Variants in CTNNA2 observed in about 807,000 individuals in gnomAD.
CTNNA2 encodes catenin alpha-2.
CTNNA2 carries 42 observed loss-of-function variants against 101.0 expected under a neutral mutation model. The observed-to-expected ratio is 0.42, with a 90% confidence interval of 0.32 to 0.54. The LOEUF is 0.54. Ranked by LOEUF, CTNNA2 falls within the 20% of genes least tolerant of loss-of-function variation. CTNNA2 has a pLI of 0.14. For missense variants in CTNNA2, 871 were observed against 1,223.1 expected, an observed-to-expected ratio of 0.71 and a Z score of 4.29; for synonymous variants, 450 against 456.4, an observed-to-expected ratio of 0.99 and a Z score of 0.18.
intron 2 of CTNNA2, among the ~76,000 whole-genome samples, chr2:79,672,927 C>T (rs534038277): frequency 6.6e-5 from 10 of 151,950 alleles, no homozygotes; most frequent in East Asian, 1.9e-4. Flanking sequence ...AGGCTGATCT[C>T]GAACTTCTGA....
At chr2:79,858,229 G>C in intron 4 of CTNNA2, 50 bp downstream of exon 4, 1 of 1,457,006 alleles carries the variant, frequency 6.9e-7, no homozygotes, top group South Asian at 1.2e-5. Context: ...TGGCAATCTT[G>C]ACCGTGTGTA....
chr2:80,362,611 T>TAATATTTAAGTGGAATCG, intron 7 of CTNNA2, among the ~76,000 whole-genome samples: 1 of 152,250 alleles, frequency 6.6e-6, no homozygotes, highest in Non-Finnish European at 1.5e-5. Context: ...TACATGAATC[T>TAATATTTAAGTGGAATCG]AATATTTAAG....
chr2:79,519,556 T>A (rs890885938), intron 1 of CTNNA2, among the ~76,000 whole-genome samples: 1 of 152,210 alleles, frequency 6.6e-6, no homozygotes, highest in African/African-American at 2.4e-5. Flanking sequence ...GACTTATATC[T>A]AGCTATAAAA....
In CTNNA2 at chr2:79,961,100, GA is replaced by G. The variant is rs1458692121; in HGVS notation, c.1056+51307del. Among the ~76,000 whole-genome samples, 10 of 152,292 alleles carry G rather than the reference GA, an allele frequency of 6.6e-5. No individual in the cohort carries two copies. The South Asian group carries it at 1.9e-3, about 28-fold the overall frequency. On this transcript the variant is annotated intron_variant, in intron 7 of 18. Coordinates refer to ENST00000402739, the MANE Select transcript of CTNNA2 (RefSeq NM_001282597.3). ...ATTTCTGAAATAAAAAGTAGAATAG[GA>G]AAATAGGAAGTTTTGTTTGCAAATC...
intron 7 of CTNNA2, among the ~76,000 whole-genome samples, chr2:80,270,734 C>T (rs1673395559): frequency 6.6e-6 from 1 of 152,122 alleles, no homozygotes; most frequent in Non-Finnish European, 1.5e-5. Flanking sequence ...CAACACCTAT[C>T]AGGTAAACAT....
At chr2:80,621,825 A>G (rs80158310) in intron 18 of CTNNA2, among the ~76,000 whole-genome samples, 3,875 of 152,022 alleles carry the variant, frequency 0.025, 59 homozygotes, top group Admixed American at 0.04. Flanking sequence ...GAGTCTGTAC[A>G]TGTGCCAAGT....
intron 1 of CTNNA2, among the ~76,000 whole-genome samples, chr2:79,604,769 G>GTACTGGA (rs1677776300): frequency 6.6e-6 from 1 of 152,186 alleles, no homozygotes; most frequent in African/African-American, 2.4e-5. Flanking sequence ...ACTGGAGATA[G>GTACTGGA]GATGAGACTC....
At chr2:79,235,858 C>G (rs576484709) in intron 2 of CTNNA2, among the ~76,000 whole-genome samples, 36 of 152,260 alleles carry the variant, frequency 2.4e-4, no homozygotes, top group African/African-American at 7.7e-4. Flanking sequence ...TGTGACCCAC[C>G]TGGCTATCAG....
At chr2:79,316,073 G>A (rs186936948) in intron 3 of CTNNA2, among the ~76,000 whole-genome samples, 1 of 152,184 alleles carries the variant, frequency 6.6e-6, no homozygotes, top group East Asian at 1.9e-4. Context: ...TCCTAAAAGA[G>A]TTTCATAATT....
intron 4 of CTNNA2, among the ~76,000 whole-genome samples, chr2:79,478,305 G>A (rs1248105273): frequency 6.6e-6 from 1 of 152,116 alleles, no homozygotes; most frequent in Non-Finnish European, 1.5e-5. Context: ...TTTTATTAGT[G>A]GAATGCAAAT....
At chr2:80,319,435 C>G (rs112020755) in intron 7 of CTNNA2, among the ~76,000 whole-genome samples, 2 of 152,126 alleles carry the variant, frequency 1.3e-5, no homozygotes, top group African/African-American at 2.4e-5. Flanking sequence ...CATAATATGG[C>G]GAACAGTATA....
chr2:80,522,965 A>G (rs1447953551), intron 9 of CTNNA2, among the ~76,000 whole-genome samples: 2 of 152,178 alleles, frequency 1.3e-5, no homozygotes, highest in Non-Finnish European at 2.9e-5. Flanking sequence ...TGTGGAATTC[A>G]TGCATTTGGG....
chr2:79,879,948 TG>T (rs1312887860), intron 6 of CTNNA2, among the ~76,000 whole-genome samples: 3 of 152,160 alleles, frequency 2.0e-5, no homozygotes, highest in Non-Finnish European at 4.4e-5. Flanking sequence ...TGATATTGGT[TG>T]TGGGTTTGTC....
In CTNNA2 at chr2:80,270,113, T is replaced by C. The variant is rs538139370; in HGVS notation, c.1057-123098T>C. Among the ~76,000 whole-genome samples the C allele has an allele frequency of 3.3e-5, 5 of 152,296 alleles. No individual in the cohort carries two copies. The South Asian group carries it at 1.0e-3, about 32-fold the overall frequency. ...GTATTTACATATGAAGGTGAATTCGTTCCGATGAGAAAGATGTTGTCCCTT... is the reference window on the plus strand; with the variant it reads ...GTATTTACATATGAAGGTGAATTCGCTCCGATGAGAAAGATGTTGTCCCTT... On this transcript the variant is annotated intron_variant, in intron 7 of 18. Transcript: ENST00000402739.
chr2:80,432,286 A>T (rs1457070443), intron 9 of CTNNA2, among the ~76,000 whole-genome samples: 1 of 152,180 alleles, frequency 6.6e-6, no homozygotes, highest in African/African-American at 2.4e-5. Context: ...ATGTTCTTTG[A>T]TCTAAAGAAC....
At position 80,266,991 on chromosome 2, in the gene CTNNA2, C is replaced by T. The variant is rs139824747; in HGVS notation, c.1057-126220C>T. ...AGAATGGTGTTATTTTTGTAGCATC[C>T]CTTGGAGAATTGAGAAAAAGTCACT... On this transcript the variant is annotated intron_variant, in intron 7 of 18. Transcript: ENST00000402739. Among the ~76,000 whole-genome samples, 750 of 152,092 alleles carry T rather than the reference C, an allele frequency of 4.9e-3. 7 individuals are homozygous for T. The highest frequency in any genetic ancestry group is 0.017 in the African/African-American group (711 of 41,472).
chr2:80,316,981 A>ACGGGT (rs1678191506), intron 7 of CTNNA2, among the ~76,000 whole-genome samples: 1 of 152,158 alleles, frequency 6.6e-6, no homozygotes, highest in Admixed American at 6.5e-5. Context: ...ACGGGTAGGC[A>ACGGGT]AGGCTTCCTT....
At chr2:80,607,606 C>A (rs969463759) in intron 16 of CTNNA2, among the ~76,000 whole-genome samples, 1 of 151,894 alleles carries the variant, frequency 6.6e-6, no homozygotes, top group Non-Finnish European at 1.5e-5. Flanking sequence ...AGTCATGAAC[C>A]ATTTCAGTCT....
chr2:79,831,107 C>T (rs746622198), intron 3 of CTNNA2, among the ~76,000 whole-genome samples: 10 of 151,826 alleles, frequency 6.6e-5, no homozygotes, highest in Admixed American at 4.6e-4. Flanking sequence ...ATACAAACTT[C>T]GGCCAAATTA....
Sources: allele counts gnomAD v4.1 joint callset (sites outside exome capture counted in the v4.1 genomes callset), GRCh38; gene constraint gnomAD v4.1.1; transcripts MANE v1.5; gene names NCBI Gene and HGNC (gene_info 2026-07-23, HGNC 2026-07-21).